MDM1: variants seen among roughly 807,000 people sequenced by gnomAD.
MDM1 encodes Mdm1 nuclear protein.
A neutral mutation model predicts 89.1 loss-of-function variants in MDM1; 61 were observed. The observed-to-expected ratio is 0.68, with a 90% CI of 0.56 to 0.85. The LOEUF (loss-of-function observed/expected upper bound fraction) is 0.85. Ranked by LOEUF, MDM1 falls within the 40% of genes least tolerant of loss-of-function variation. The pLI is 0.00. For synonymous variants in MDM1, 290 were observed against 294.1 expected (o/e 0.99, Z 0.14); for missense variants, 820 against 846.5 (o/e 0.97, Z 0.39).
intron 12 of MDM1, among the ~76,000 whole-genome samples, chr12:68,312,049 A>T (rs1873769195): frequency 1.3e-5 from 2 of 152,082 alleles, no homozygotes; most frequent in South Asian, 4.1e-4. Context: ...TCCTTTGCTG[A>T]CTAGTCCTCA....
intron 5 of MDM1, among the ~76,000 whole-genome samples, chr12:68,322,065 A>G (rs1875303000): frequency 6.6e-6 from 1 of 152,198 alleles, no homozygotes; most frequent in African/African-American, 2.4e-5. Context: ...TAGGCCTAAT[A>G]TATGTGTGTG....
At chr12:68,296,455 G>GCA (rs1871406499) in intron 14 of MDM1, among the ~76,000 whole-genome samples, 1 of 152,204 alleles carries the variant, frequency 6.6e-6, no homozygotes, top group South Asian at 2.1e-4. Context: ...CCGAGATCAT[G>GCA]CCACTGCACT....
At position 68,316,193 on chromosome 12, in the gene MDM1, A is replaced by G; in HGVS notation, c.1096T>C (p.Ser366Pro). ...YRKRVQGTHF[S>P]RDHLNQILSD... ...AAAATCTGATTCAGATGGTCCCGAG[A>G]AAAATGCGTCCCCTGAACTCGCTTC... The change falls in exon 9 of 15, where the codon TCT becomes CCT. Residue 366 changes from serine to proline, a missense_variant. Physicochemically the swap from Ser to Pro is moderately conservative, Grantham distance 74. Transcript: ENST00000682720. 1 of 1,613,758 alleles carries G rather than the reference A, an allele frequency of 6.2e-7. No homozygotes were observed. The highest frequency in any genetic ancestry group is 8.5e-7 in the Non-Finnish European group (1 of 1,179,776).
intron 13 of MDM1, among the ~76,000 whole-genome samples, chr12:68,300,762 G>T (rs920649779): frequency 6.6e-6 from 1 of 152,156 alleles, no homozygotes; most frequent in Non-Finnish European, 1.5e-5. Context: ...CGTTAAGACA[G>T]AAAGTCAACG....
intron 2 of MDM1, among the ~76,000 whole-genome samples, chr12:68,329,154 A>T (rs779191177): frequency 6.6e-6 from 1 of 152,158 alleles, no homozygotes; most frequent in African/African-American, 2.4e-5. Context: ...TGGAGGTTCA[A>T]ATATGTGGAA....
intron 7 of MDM1, 103 bp from the exon 8 acceptor site, chr12:68,316,713 C>A: frequency 1.1e-6 from 1 of 888,252 alleles, no homozygotes; most frequent in Non-Finnish European, 1.7e-6. Flanking sequence ...AAATATCTAC[C>A]AAACTTGTCA....
At chr12:68,303,431 C>A (rs796111603) in intron 12 of MDM1, among the ~76,000 whole-genome samples, 2 of 152,010 alleles carry the variant, frequency 1.3e-5, no homozygotes, top group South Asian at 2.1e-4. Context: ...TCTGGGGGGC[C>A]GGCAAAACAT....
chr12:68,306,154 T>C lies in MDM1; in HGVS notation c.1750-3282A>G, dbSNP rs967070489. On this transcript the variant is annotated intron_variant, in intron 12 of 14. Transcript: ENST00000682720. Reference sequence around the variant, plus strand: ...CTTTAACAAAGATGACCAAAAAAAATGAACAATGGAAAAAGGACACCCTAT... The same window carrying C: ...CTTTAACAAAGATGACCAAAAAAAACGAACAATGGAAAAAGGACACCCTAT... Among the ~76,000 whole-genome samples, 3 of 151,452 alleles carry C rather than the reference T, an allele frequency of 2.0e-5. No individual in the cohort carries two copies. The South Asian group carries it at 6.2e-4, about 31-fold the overall frequency.
Position 68,313,684 on chromosome 12 carries a change from TCCA to T in MDM1, c.1596_1598del (p.Gly533del). On this transcript the variant is annotated inframe_deletion, in exon 11 of 15. Transcript: ENST00000682720. ...TGAGATCATGATGAGTCCTCTGGAT[TCCA>T]CCAAGTTCTCTCAGCTTGGGAGTAG... The T allele has an allele frequency of 1.2e-6, 2 of 1,614,192 alleles. No homozygotes were observed. The highest frequency in any genetic ancestry group is 1.7e-6 in the Non-Finnish European group (2 of 1,180,026).
At chr12:68,314,068 C>T (rs924234158) in intron 10 of MDM1, among the ~76,000 whole-genome samples, 2 of 144,158 alleles carry the variant, frequency 1.4e-5, no homozygotes, top group Non-Finnish European at 3.0e-5. Context: ...ACCCAGAAGG[C>T]GGAGCTTGCA....
intron 9 of MDM1, among the ~76,000 whole-genome samples, chr12:68,315,503 C>T (rs1874369828): frequency 6.6e-6 from 1 of 152,168 alleles, no homozygotes; most frequent in Non-Finnish European, 1.5e-5. Flanking sequence ...TCTTTTACTC[C>T]TACCTTCACA....
chr12:68,321,875 T>C (rs184981370), intron 5 of MDM1, among the ~76,000 whole-genome samples: 2 of 152,216 alleles, frequency 1.3e-5, no homozygotes, highest in East Asian at 1.9e-4. Context: ...AGATTTTAGA[T>C]CTTTGGCTAA....
intron 14 of MDM1, among the ~76,000 whole-genome samples, chr12:68,296,196 T>C (rs1871349789): frequency 6.6e-6 from 1 of 152,194 alleles, no homozygotes; most frequent in African/African-American, 2.4e-5. Flanking sequence ...AGCAAATAAA[T>C]GTCAGAATAA....
At chr12:68,331,856 A>G (rs1417462693) in intron 1 of MDM1, 2 of 471,506 alleles carry the variant, frequency 4.2e-6, no homozygotes, top group South Asian at 1.9e-5. Flanking sequence ...CACATACACT[A>G]AAGTTTTAAA....
chr12:68,309,116 T>C (rs1461070445), intron 12 of MDM1, among the ~76,000 whole-genome samples: 1 of 152,264 alleles, frequency 6.6e-6, no homozygotes, highest in Non-Finnish European at 1.5e-5. Context: ...AATATTTCAA[T>C]GGCTTCCCAT....
intron 1 of MDM1, chr12:68,331,960 T>C (rs780810958): frequency 1.4e-5 from 10 of 690,408 alleles, no homozygotes; most frequent in South Asian, 1.3e-4. Context: ...TCCTCCCATC[T>C]CCACTCCTCT....
intron 8 of MDM1, 137 bp from the exon 9 acceptor site, chr12:68,316,390 C>A (rs1874510172): frequency 9.8e-7 from 1 of 1,022,974 alleles, no homozygotes; most frequent in South Asian, 1.7e-5. Context: ...CACATACAGT[C>A]ATCAGACTGT....
chr12:68,323,123 T>C lies in MDM1; in HGVS notation c.751A>G (p.Asn251Asp). The C allele has an allele frequency of 6.2e-7, 1 of 1,609,852 alleles. No individual in the cohort carries two copies. The highest frequency in any genetic ancestry group is 1.7e-5 in the Admixed American group (1 of 58,952). ...LSPVKEPKLR[N>D]DLRENRNLET... Reference sequence around the variant, plus strand: ...AGATTTCTGTTTTCTCTCAAATCATTTCTTAATTTTGGTTCTTTCACTGGA... The same window carrying C: ...AGATTTCTGTTTTCTCTCAAATCATCTCTTAATTTTGGTTCTTTCACTGGA... Residue 251 changes from asparagine to aspartate, a missense_variant, in exon 5 of 15, where the codon AAT becomes GAT. Coordinates refer to ENST00000682720, the MANE Select transcript of MDM1 (RefSeq NM_001354969.2).
At chr12:68,311,475 C>T (rs576022323) in intron 12 of MDM1, among the ~76,000 whole-genome samples, 43 of 152,272 alleles carry the variant, frequency 2.8e-4, no homozygotes, top group Non-Finnish European at 5.1e-4. Context: ...CTTCCAAAAG[C>T]TGCCATCACA....
Sources: gnomAD v4.1 joint callset for allele counts (sites outside exome capture counted in the v4.1 genomes callset) on GRCh38, gnomAD v4.1.1 for gene constraint, MANE v1.5 for transcripts, NCBI Gene and HGNC (gene_info 2026-07-23, HGNC 2026-07-21) for gene names.